RIT2: variants seen among roughly 807,000 people sequenced by gnomAD.
RIT2 encodes the protein Ras like without CAAX 2, also known as GTP-binding protein Rit2.
A neutral mutation model predicts 23.7 loss-of-function variants in RIT2; 24 were observed. That is an observed-to-expected ratio of 1.01 (90% CI 0.73 to 1.43). RIT2 has a LOEUF of 1.43. Among genes scored for constraint, RIT2 ranks in the 40% most tolerant of loss-of-function variants. RIT2 has a pLI of 0.00. For synonymous variants in RIT2, 107 were observed against 91.1 expected (o/e 1.17, Z -0.99); for missense variants, 236 against 266.9 (o/e 0.88, Z 0.81).
chr18:43,065,218 G>GTTTTT (rs58941113), intron 1 of RIT2, among the ~76,000 whole-genome samples: 1 of 81,640 alleles, frequency 1.2e-5, no homozygotes, highest in Non-Finnish European at 2.4e-5. Flanking sequence ...ACTTTTTTGG[G>GTTTTT]TTTTTTTTTT....
At chr18:42,975,565 A>G (rs1162862714) in intron 2 of RIT2, among the ~76,000 whole-genome samples, 1 of 152,090 alleles carries the variant, frequency 6.6e-6, no homozygotes, top group Non-Finnish European at 1.5e-5. Context: ...CCCTGAGCAG[A>G]TAGTGATAAT....
chr18:43,043,522 T>A (rs1468920305), intron 1 of RIT2, among the ~76,000 whole-genome samples: 1 of 152,124 alleles, frequency 6.6e-6, no homozygotes, highest in Admixed American at 6.5e-5. Context: ...CTGGGCCTGG[T>A]GGCTCACGCT....
intron 3 of RIT2, among the ~76,000 whole-genome samples, chr18:42,928,809 G>C (rs1289109509): frequency 6.6e-6 from 1 of 151,474 alleles, no homozygotes; most frequent in Non-Finnish European, 1.5e-5. Flanking sequence ...ATGCCTAAAA[G>C]TCAAAATATA....
chr18:42,927,145 A>T (rs1568032146), intron 3 of RIT2, among the ~76,000 whole-genome samples: 2 of 152,022 alleles, frequency 1.3e-5, no homozygotes, highest in Non-Finnish European at 2.9e-5. Context: ...GAGAACAGGC[A>T]TGAAATCCTC....
At chr18:42,829,419 C>T (rs1301558305) in intron 4 of RIT2, among the ~76,000 whole-genome samples, 1 of 152,152 alleles carries the variant, frequency 6.6e-6, no homozygotes, top group Non-Finnish European at 1.5e-5. Flanking sequence ...AACTCTACTA[C>T]CTACCCAGGG....
At chr18:43,057,276 C>A (rs978687178) in intron 1 of RIT2, among the ~76,000 whole-genome samples, 2 of 152,040 alleles carry the variant, frequency 1.3e-5, no homozygotes, top group African/African-American at 2.4e-5. Flanking sequence ...ATACCACAAT[C>A]TTACTTATTG....
At chr18:42,795,480 T>A (rs1905316526) in intron 4 of RIT2, among the ~76,000 whole-genome samples, 1 of 152,202 alleles carries the variant, frequency 6.6e-6, no homozygotes, top group African/African-American at 2.4e-5. Context: ...GGGGCAGGGC[T>A]CGGGACCGGC....
intron 1 of RIT2, among the ~76,000 whole-genome samples, chr18:43,103,889 G>C (rs937414386): frequency 5.3e-5 from 8 of 152,024 alleles, no homozygotes; most frequent in African/African-American, 1.9e-4. Flanking sequence ...GGTAAGAGTG[G>C]GATATGGGGG....
intron 2 of RIT2, 137 bp downstream of exon 2, chr18:43,033,674 T>C (rs1480880191): frequency 6.2e-6 from 4 of 649,712 alleles, no homozygotes; most frequent in Non-Finnish European, 8.2e-6. Context: ...GTACGTTACA[T>C]ATGATAGATT....
intron 4 of RIT2, among the ~76,000 whole-genome samples, chr18:42,793,772 G>GA (rs1347204052): frequency 3.3e-5 from 5 of 152,180 alleles, no homozygotes; most frequent in African/African-American, 1.2e-4. Context: ...ATTCTAAGGA[G>GA]AAAAGAGTGA....
At chr18:42,936,446 G>A (rs900220216) in intron 3 of RIT2, among the ~76,000 whole-genome samples, 2 of 152,108 alleles carry the variant, frequency 1.3e-5, no homozygotes, top group Non-Finnish European at 2.9e-5. Flanking sequence ...AAGTTCAAGA[G>A]ATTGTTGTTA....
In RIT2 at chr18:42,908,735, G is replaced by T. The variant is rs78831371; in HGVS notation, c.426+14837C>A. ...ATTCTCAGTTGAAGGGAAATTGAGA[G>T]AATTTGTTGCTAGCAGATTTATCAT... On this transcript the variant is annotated intron_variant, in intron 4 of 4. Transcript: ENST00000326695. Among the ~76,000 whole-genome samples the T allele has an allele frequency of 2.9e-4, 44 of 152,200 alleles. No homozygotes were observed. In the East Asian group the frequency reaches 7.9e-3, roughly 27 times the overall value.
intron 2 of RIT2, among the ~76,000 whole-genome samples, chr18:43,030,074 A>G (rs963745049): frequency 2.6e-5 from 4 of 152,208 alleles, no homozygotes; most frequent in African/African-American, 9.6e-5. Flanking sequence ...CATTCTATTT[A>G]GGTCTGGGAT....
intron 1 of RIT2, among the ~76,000 whole-genome samples, chr18:43,063,398 T>C (rs1188744609): frequency 6.6e-6 from 1 of 152,170 alleles, no homozygotes; most frequent in East Asian, 1.9e-4. Context: ...AGTAGCCAAT[T>C]TCTGGTTTAT....
intron 1 of RIT2, among the ~76,000 whole-genome samples, chr18:43,084,549 G>T (rs1026125214): frequency 7.9e-5 from 12 of 152,286 alleles, no homozygotes; most frequent in Non-Finnish European, 1.3e-4. Flanking sequence ...GGAAAACTAT[G>T]CAGCCATAAA....
intron 4 of RIT2, among the ~76,000 whole-genome samples, chr18:42,867,371 G>T (rs1429446905): frequency 2.6e-5 from 4 of 152,076 alleles, no homozygotes; most frequent in Non-Finnish European, 5.9e-5. Context: ...ACTCCAAGCA[G>T]ATGCAACTGG....
intron 1 of RIT2, among the ~76,000 whole-genome samples, chr18:43,111,384 C>T (rs936488612): frequency 6.6e-6 from 1 of 151,976 alleles, no homozygotes; most frequent in Admixed American, 6.6e-5. Flanking sequence ...CATTTGATAG[C>T]ACAACAGGGT....
chr18:42,856,827 C>CTTTTTTT (rs756725926), intron 4 of RIT2, among the ~76,000 whole-genome samples: 12 of 114,616 alleles, frequency 1.0e-4, no homozygotes, highest in Admixed American at 2.9e-4. Context: ...CTCTCTCTCT[C>CTTTTTTT]TTTTTTTTTT....
intron 4 of RIT2, among the ~76,000 whole-genome samples, chr18:42,921,066 A>G (rs1909044436): frequency 6.6e-6 from 1 of 152,124 alleles, no homozygotes; most frequent in South Asian, 2.1e-4. Flanking sequence ...AGTAAAGTCA[A>G]TTGCTATCAA....
Sources: allele counts gnomAD v4.1 joint callset (sites outside exome capture counted in the v4.1 genomes callset), GRCh38; gene constraint gnomAD v4.1.1; transcripts MANE v1.5; gene names NCBI Gene and HGNC (gene_info 2026-07-23, HGNC 2026-07-21).